SREK1IP1: variants seen among roughly 807,000 people sequenced by gnomAD.
The protein encoded by SREK1IP1 is SREK1 interacting protein 1.
Under a neutral mutation model 22.8 loss-of-function variants are expected in SREK1IP1, and 12 were observed. The ratio of observed to expected loss-of-function variants is 0.53; its 90% CI spans 0.34 to 0.85. SREK1IP1 has a LOEUF of 0.85. Among genes scored for constraint, SREK1IP1 ranks in the 40% least tolerant of loss-of-function variants. SREK1IP1 has a pLI of 0.02. For synonymous variants in SREK1IP1, 53 were observed against 52.7 expected (o/e 1.01, Z -0.02); for missense variants, 147 against 171.8 (o/e 0.86, Z 0.81).
chr5:64,733,124 T>C (rs73097694), intron 3 of SREK1IP1, among the ~76,000 whole-genome samples: 5,870 of 151,960 alleles, frequency 0.039, 383 homozygotes, highest in African/African-American at 0.13. Context: ...GATCTATGCA[T>C]AGGCAAAGGT....
rs190931837 is a variant in SREK1IP1 at position 64,730,418 on chromosome 5, G to A, written c.206-2239C>T. Among the ~76,000 whole-genome samples, 608 of 152,088 alleles carry A rather than the reference G, an allele frequency of 4.0e-3. 2 individuals carry two copies. The highest frequency in any genetic ancestry group is 0.014 in the African/African-American group (566 of 41,504). On this transcript the variant is annotated intron_variant, in intron 3 of 4. Coordinates refer to ENST00000513458, the MANE Select transcript of SREK1IP1 (RefSeq NM_173829.4). ...ACAGGGATGCAAAGGATCTAGGGAAGAACAATGGGAAAAACGAAAAAAAAT... is the reference window on the plus strand; with the variant it reads ...ACAGGGATGCAAAGGATCTAGGGAAAAACAATGGGAAAAACGAAAAAAAAT...
intron 1 of SREK1IP1, among the ~76,000 whole-genome samples, chr5:64,760,476 G>T (rs944830456): frequency 2.0e-5 from 3 of 152,180 alleles, no homozygotes; most frequent in Non-Finnish European, 4.4e-5. Flanking sequence ...AAAATAGTGG[G>T]CCTTAATAAG....
In SREK1IP1 at chr5:64,719,002, T is replaced by C. The variant is rs1742105490; in HGVS notation, c.*5382A>G. ...AAGAATACCTTATTTTTCTTGGGCA[T>C]GCAAAGCTCAGGGTTACAAACTTTT... On this transcript the variant is annotated 3_prime_UTR_variant, in exon 5 of 5. Transcript: ENST00000513458. 1 of 152,222 alleles carries C rather than the reference T, an allele frequency of 6.6e-6. No homozygotes were observed. The highest frequency in any genetic ancestry group is 1.9e-4 in the East Asian group (1 of 5,192). 9.4% of individuals were successfully genotyped at this position (152,222 alleles called of 1,614,324 possible).
At chr5:64,759,993 C>G (rs1742918094) in intron 1 of SREK1IP1, among the ~76,000 whole-genome samples, 1 of 152,136 alleles carries the variant, frequency 6.6e-6, no homozygotes, top group Non-Finnish European at 1.5e-5. Flanking sequence ...AATTAGTTCT[C>G]CCAATTTATG....
chr5:64,728,245 G>GTA lies in SREK1IP1; in HGVS notation c.206-68_206-67dup, dbSNP rs1742311560. 3 of 1,204,086 alleles carry GTA rather than the reference G, an allele frequency of 2.5e-6. No individual in the cohort carries two copies. The Admixed American group carries it at 9.8e-5, about 39-fold the overall frequency. 74.6% of individuals were successfully genotyped at this position (1,204,086 alleles called of 1,614,324 possible). A position where few individuals can be genotyped will look rare whatever the true frequency, so the allele number is the denominator to read the frequency against. On this transcript the variant is annotated intron_variant, in intron 3 of 4. Coordinates refer to ENST00000513458, the MANE Select transcript of SREK1IP1 (RefSeq NM_173829.4). ...ATGATTCTATATATTAATATGGCATGTATATATGTTAAAATTTTAGCTGTT... is the reference window on the plus strand; with the variant it reads ...ATGATTCTATATATTAATATGGCATGTATATATATGTTAAAATTTTAGCTGTT...
intron 2 of SREK1IP1, among the ~76,000 whole-genome samples, chr5:64,749,099 AT>A (rs1183980405): frequency 1.4e-4 from 20 of 146,352 alleles, no homozygotes; most frequent in Middle Eastern, 3.6e-3. Context: ...AATAATAATA[AT>A]AATAATAAAA....
chr5:64,757,144 G>T (rs1056668647), intron 1 of SREK1IP1, among the ~76,000 whole-genome samples: 2 of 152,096 alleles, frequency 1.3e-5, no homozygotes, highest in Non-Finnish European at 2.9e-5. Flanking sequence ...GCATCATGGC[G>T]TACGCCTGTA....
chr5:64,763,062 T>C (rs1420540466), intron 1 of SREK1IP1, among the ~76,000 whole-genome samples: 2 of 150,072 alleles, frequency 1.3e-5, no homozygotes, highest in Non-Finnish European at 3.0e-5. Flanking sequence ...CAAATAAATA[T>C]ATATATAAAC....
At chr5:64,755,189 A>G (rs894814213) in intron 1 of SREK1IP1, among the ~76,000 whole-genome samples, 1 of 150,904 alleles carries the variant, frequency 6.6e-6, no homozygotes, top group African/African-American at 2.4e-5. Flanking sequence ...CTATCATTCG[A>G]CCCAGCAATT....
intron 4 of SREK1IP1, among the ~76,000 whole-genome samples, chr5:64,727,234 T>C (rs1466572195): frequency 1.3e-5 from 2 of 151,976 alleles, no homozygotes; most frequent in African/African-American, 2.4e-5. Flanking sequence ...ATAATTATGG[T>C]TAAGTGCTTT....
At chr5:64,743,267 C>A (rs1742579747) in intron 2 of SREK1IP1, among the ~76,000 whole-genome samples, 1 of 152,136 alleles carries the variant, frequency 6.6e-6, no homozygotes, top group Admixed American at 6.5e-5. Flanking sequence ...TACTGTGTTA[C>A]AACTGCCTAC....
chr5:64,721,091 A>G lies in SREK1IP1; in HGVS notation c.*3293T>C, dbSNP rs1306549925. 6.6e-6 allele frequency: 1 copy of G among 152,234 alleles called. No individual in the cohort carries two copies. Among genetic ancestry groups the G allele is most frequent in the Non-Finnish European group, 1.5e-5 (1 of 68,052 alleles). 9.4% of individuals were successfully genotyped at this position (152,234 alleles called of 1,614,324 possible). A position where few individuals can be genotyped will look rare whatever the true frequency, so the allele number is the denominator to read the frequency against. ...CTTATCCTTAATCAAATTGCAATTC[A>G]GTCACTACTTTCTCTAGGTAGCCTC... On this transcript the variant is annotated 3_prime_UTR_variant, in exon 5 of 5. Coordinates refer to ENST00000513458, the MANE Select transcript of SREK1IP1 (RefSeq NM_173829.4).
Position 64,768,656 on chromosome 5 carries a change from G to C in SREK1IP1, c.-139C>G. The C allele has an allele frequency of 2.6e-6, 3 of 1,172,384 alleles. No homozygotes were observed. The highest frequency in any genetic ancestry group is 3.7e-6 in the Non-Finnish European group (3 of 803,688). 72.6% of individuals were successfully genotyped at this position (1,172,384 alleles called of 1,614,324 possible). On this transcript the variant is annotated 5_prime_UTR_variant, in exon 1 of 5. Transcript: ENST00000513458. ...AGCACCCTCGCTACGGTCGGGAAGG[G>C]CCTGTACGCCTCTAGCGACGGCAGA... is the stretch of plus-strand genomic sequence containing the variant.
At chr5:64,760,329 A>T (rs996458813) in intron 1 of SREK1IP1, among the ~76,000 whole-genome samples, 3 of 152,192 alleles carry the variant, frequency 2.0e-5, no homozygotes, top group Non-Finnish European at 4.4e-5. Context: ...TTTCAAGGAA[A>T]TTACTTCTCT....
chr5:64,763,439 A>G (rs1007257454), intron 1 of SREK1IP1, among the ~76,000 whole-genome samples: 1 of 152,018 alleles, frequency 6.6e-6, no homozygotes, highest in Admixed American at 6.5e-5. Context: ...TGGGAGGCTG[A>G]GGCAGAAGAA....
chr5:64,749,968 T>C (rs1742712890), intron 2 of SREK1IP1, among the ~76,000 whole-genome samples: 1 of 152,162 alleles, frequency 6.6e-6, no homozygotes, highest in Non-Finnish European at 1.5e-5. Context: ...TCCAGGCTTC[T>C]CAATATTGTT....
At chr5:64,726,368 G>T (rs1295925001) in intron 4 of SREK1IP1, among the ~76,000 whole-genome samples, 7 of 151,944 alleles carry the variant, frequency 4.6e-5, no homozygotes, top group African/African-American at 1.7e-4. Context: ...AAGGTCAGGA[G>T]ATTGAGACCA....
intron 2 of SREK1IP1, among the ~76,000 whole-genome samples, chr5:64,753,153 TTAG>T (rs1282328933): frequency 8.5e-5 from 13 of 152,176 alleles, no homozygotes; most frequent in Non-Finnish European, 1.3e-4. Flanking sequence ...CCTCAAAGTG[TTAG>T]GTTAAAAGAA....
In SREK1IP1 at chr5:64,742,559, T is replaced by G. The variant is rs17193520; in HGVS notation, c.62-1359A>C. Among the ~76,000 whole-genome samples, 871 of 152,310 alleles carry G rather than the reference T, an allele frequency of 5.7e-3. 8 individuals carry two copies. The highest frequency in any genetic ancestry group is 0.016 in the African/African-American group (686 of 41,582). ...CTACAAATCTATGCTAGGGGTTGTT[T>G]CCAGTTGTCTCTTATTTTGTGGGTG... On this transcript the variant is annotated intron_variant, in intron 2 of 4. Coordinates refer to ENST00000513458, the MANE Select transcript of SREK1IP1 (RefSeq NM_173829.4).
Sources: gnomAD v4.1 joint callset for allele counts (sites outside exome capture counted in the v4.1 genomes callset) on GRCh38, gnomAD v4.1.1 for gene constraint, MANE v1.5 for transcripts, NCBI Gene and HGNC (gene_info 2026-07-23, HGNC 2026-07-21) for gene names.